Variants in ZNF415 observed in about 807,000 individuals in gnomAD.
ZNF415 encodes zinc finger protein 415.
Under a neutral mutation model 7.3 loss-of-function variants are expected in ZNF415, and 5 were observed. That is an observed-to-expected ratio of 0.69 (90% CI 0.36 to 1.44). The LOEUF is 1.44. ZNF415 is among the 40% of genes most tolerant of loss of function. ZNF415 has a pLI of 0.04. For synonymous variants in ZNF415, 207 were observed against 226.3 expected (o/e 0.91, Z 0.77); for missense variants, 628 against 664.8 (o/e 0.94, Z 0.61).
Position 53,108,671 on chromosome 19 carries a change from A to T in ZNF415, c.1374T>A (p.His458Gln), listed in dbSNP as rs760212923. The T allele has an allele frequency of 2.5e-6, 4 of 1,614,066 alleles. No homozygotes were observed. The highest frequency in any genetic ancestry group is 3.4e-6 in the Non-Finnish European group (4 of 1,180,036). The change falls in exon 4 of 4, where the codon CAT becomes CAA. Residue 458 changes from histidine to glutamine, a missense_variant. His to Gln is a conservative substitution (Grantham distance 24). Transcript: ENST00000243643. ...GCTTCTCTCCAGTATGGATGACCTG[A>T]TGGGTAGTTAAGTTCGAATGCACAC... ...AFSVHSNLTT[H>Q]QVIHTGEKPY...
At chr19:53,123,573 G>T (rs934171925) in intron 1 of ZNF415, 15 of 398,600 alleles carry the variant, frequency 3.8e-5, no homozygotes, top group Non-Finnish European at 5.7e-5. Flanking sequence ...GAGCAAGCTC[G>T]GCCCAGGAAC....
chr19:53,127,593 G>A (rs1288887582), intron 1 of ZNF415, among the ~76,000 whole-genome samples: 2 of 152,098 alleles, frequency 1.3e-5, no homozygotes, highest in Non-Finnish European at 2.9e-5. Context: ...AAAGCTTCCT[G>A]ATCGGCCGGG....
rs139795456 is a variant in ZNF415 at position 53,109,811 on chromosome 19, T to C, written c.234A>G (p.Lys78=). The change falls in exon 4 of 4, where the codon AAA becomes AAG. Residue 78 remains lysine (K), a synonymous_variant. Coordinates refer to ENST00000243643, the MANE Select transcript of ZNF415 (RefSeq NM_018355.4). ...TGAAGCAAAACTCTTCAATGTCATG[T>C]TTTTCATGTTGTTCCAATGTCACTG... ...FHTVTLEQHE[K]HDIEEFCFRE... 5.3e-5 allele frequency: 85 copies of C among 1,614,040 alleles called. No homozygotes were observed. The East Asian group carries it at 1.8e-3, about 35-fold the overall frequency.
chr19:53,109,998 C>A, intron 3 of ZNF415, 90 bp from the exon 4 acceptor site: 1 of 1,025,016 alleles, frequency 9.8e-7, no homozygotes, highest in South Asian at 1.9e-5. Flanking sequence ...CAAAAAGCAA[C>A]ATTTATATAC....
chr19:53,131,989 C>A (rs982622433), intron 1 of ZNF415, among the ~76,000 whole-genome samples: 1 of 152,098 alleles, frequency 6.6e-6, no homozygotes. Context: ...TGCTCTCCCC[C>A]ACTCTCTGTC....
In ZNF415 at chr19:53,108,017, C is replaced by T. The variant is rs1011693509; in HGVS notation, c.*360G>A. ...GACTGAATTATTCCTCACATAAATCCTTGGATGTGTTACAGTTTTGATCCT... is the reference window on the plus strand; with the variant it reads ...GACTGAATTATTCCTCACATAAATCTTTGGATGTGTTACAGTTTTGATCCT... On this transcript the variant is annotated 3_prime_UTR_variant, in exon 4 of 4. Transcript: ENST00000243643. 3 of 218,008 alleles carry T rather than the reference C, an allele frequency of 1.4e-5. No individual in the cohort carries two copies. In the Admixed American group the frequency reaches 1.5e-4, roughly 11 times the overall value. 13.5% of individuals were successfully genotyped at this position (218,008 alleles called of 1,614,324 possible). A position where few individuals can be genotyped will look rare whatever the true frequency, so the allele number is the denominator to read the frequency against.
At position 53,127,588 on chromosome 19, in the gene ZNF415, T is replaced by C. The variant is rs2089368277; in HGVS notation, c.-67-4845A>G. On this transcript the variant is annotated intron_variant, in intron 1 of 3. Coordinates refer to ENST00000243643, the MANE Select transcript of ZNF415 (RefSeq NM_018355.4). The stretch of plus-strand genomic sequence containing the variant: ...TATCTTTCAAAATGCATCTGAAAGC[T>C]TCCTGATCGGCCGGGCGTGGTGGCT... Among the ~76,000 whole-genome samples the C allele has an allele frequency of 2.6e-5, 4 of 152,276 alleles. No homozygotes were observed. The South Asian group carries it at 8.3e-4, about 32-fold the overall frequency.
chr19:53,121,249 G>A (rs1428228638), intron 2 of ZNF415, among the ~76,000 whole-genome samples: 2 of 151,232 alleles, frequency 1.3e-5, no homozygotes, highest in African/African-American at 2.4e-5. Flanking sequence ...GCCAGGCATA[G>A]TGGCGGGTGC....
chr19:53,115,370 G>C, intron 3 of ZNF415: 1 of 259,048 alleles, frequency 3.9e-6, no homozygotes, highest in Non-Finnish European at 7.5e-6. Context: ...AATAACAGGA[G>C]AGACCACGGG....
At position 53,108,208 on chromosome 19, in the gene ZNF415, GT is replaced by G. The variant is rs1267304951; in HGVS notation, c.*168del. ...TGAATGCTTGAACTTGTGATGAAGG[GT>G]TTGCTGTACTCGTAAGGATTCTCTC... On this transcript the variant is annotated 3_prime_UTR_variant, in exon 4 of 4. Coordinates refer to ENST00000243643, the MANE Select transcript of ZNF415 (RefSeq NM_018355.4). 1.5e-6 allele frequency: 1 copy of G among 665,502 alleles called. No individual in the cohort carries two copies. The highest frequency in any genetic ancestry group is 1.8e-5 in the African/African-American group (1 of 55,102). 41.2% of individuals were successfully genotyped at this position (665,502 alleles called of 1,614,324 possible).
chr19:53,108,393 G>T lies in ZNF415; in HGVS notation c.1652C>A (p.Pro551His), dbSNP rs768768168. Reference sequence around the variant, plus strand: ...CTTGCCATATTAATTTCTTTTATAAGGTTTCTCCTTAGTATGGATAATTTG... The same window carrying T: ...CTTGCCATATTAATTTCTTTTATAATGTTTCTCCTTAGTATGGATAATTTG... ...RHQIIHTKEKPYKRN is the reference protein window; with the variant it reads ...RHQIIHTKEKHYKRN The change falls in exon 4 of 4, where the codon CCT becomes CAT. Residue 551 changes from proline (P) to histidine (H), a missense_variant. Transcript: ENST00000243643. The T allele has an allele frequency of 6.2e-6, 10 of 1,606,490 alleles. No homozygotes were observed. The highest frequency in any genetic ancestry group is 7.6e-6 in the Non-Finnish European group (9 of 1,176,764).
intron 2 of ZNF415, among the ~76,000 whole-genome samples, chr19:53,120,897 T>C (rs1283106602): frequency 1.4e-5 from 2 of 147,942 alleles, no homozygotes; most frequent in Non-Finnish European, 1.5e-5. Context: ...CAGCCTGACC[T>C]ACACGGTGAA....
At chr19:53,112,102 C>T (rs538000189) in intron 3 of ZNF415, among the ~76,000 whole-genome samples, 10 of 152,158 alleles carry the variant, frequency 6.6e-5, no homozygotes, top group Admixed American at 3.3e-4. Context: ...CCACCATGCC[C>T]GGCTACTTTT....
chr19:53,115,679 C>G (rs868580780), intron 3 of ZNF415: 2 of 1,510,192 alleles, frequency 1.3e-6, no homozygotes, highest in African/African-American at 1.4e-5. Flanking sequence ...GGTGTGGCTT[C>G]CTCTCCCCTC....
chr19:53,130,149 T>G (rs563343515), intron 1 of ZNF415, among the ~76,000 whole-genome samples: 11 of 151,976 alleles, frequency 7.2e-5, no homozygotes, highest in Non-Finnish European at 1.2e-4. Context: ...TCTTCAAGGT[T>G]TTATCACATT....
At position 53,129,236 on chromosome 19, in the gene ZNF415, C is replaced by T. The variant is rs2089709884; in HGVS notation, c.-68+3620G>A. Among the ~76,000 whole-genome samples, 6 of 151,964 alleles carry T rather than the reference C, an allele frequency of 3.9e-5. No homozygotes were observed. In the South Asian group the frequency reaches 1.0e-3, roughly 26 times the overall value. Reference sequence around the variant, plus strand: ...GGAGTCATGAGATGAGGGCAAGCTCCCAGGAGGAGGCTGGACACTGGCAGG... The same window carrying T: ...GGAGTCATGAGATGAGGGCAAGCTCTCAGGAGGAGGCTGGACACTGGCAGG... On this transcript the variant is annotated intron_variant, in intron 1 of 3. Transcript: ENST00000243643.
At position 53,113,534 on chromosome 19, in the gene ZNF415, A is replaced by C. The variant is rs2086568605; in HGVS notation, c.136+2779T>G. 3.4e-5 allele frequency among the ~76,000 whole-genome samples: 5 copies of C among 146,326 alleles called. 1 individual carries two copies. The highest frequency in any genetic ancestry group is 7.6e-5 in the African/African-American group (3 of 39,500). On this transcript the variant is annotated intron_variant, in intron 3 of 3. Coordinates refer to ENST00000243643, the MANE Select transcript of ZNF415 (RefSeq NM_018355.4). ...AAAAAAAAAAAAAAAAAAAAAAAAA[A>C]CCGAGGCATTACAGCAGTGTAAAGC...
At chr19:53,132,379 C>T (rs139152386) in intron 1 of ZNF415, among the ~76,000 whole-genome samples, 3 of 152,242 alleles carry the variant, frequency 2.0e-5, no homozygotes, top group South Asian at 2.1e-4. Context: ...CCAGCGCGGG[C>T]TCAGGGGAGG....
intron 3 of ZNF415, chr19:53,115,440 G>A: frequency 2.1e-6 from 1 of 486,448 alleles, no homozygotes; most frequent in Non-Finnish European, 3.7e-6. Context: ...GAGCCAGAGA[G>A]TTCACGGAAG....
Sources: gnomAD v4.1 joint callset for allele counts (sites outside exome capture counted in the v4.1 genomes callset) on GRCh38, gnomAD v4.1.1 for gene constraint, MANE v1.5 for transcripts, NCBI Gene and HGNC (gene_info 2026-07-23, HGNC 2026-07-21) for gene names.